Variants in GRID1 observed in about 807,000 individuals in gnomAD.
The protein encoded by GRID1 is glutamate ionotropic receptor delta type subunit 1.
In GRID1, 28 loss-of-function variants were observed where a neutral mutation model predicts 98.0. The ratio of observed to expected loss-of-function variants is 0.29; its 90% CI spans 0.21 to 0.39. The LOEUF (loss-of-function observed/expected upper bound fraction) is 0.39. GRID1 is among the 10% of genes least tolerant of loss of function. The probability of loss-of-function intolerance (pLI) is 1.00; values close to 1 mark genes in which losing one functional copy is unlikely to be tolerated. For synonymous variants in GRID1, 553 were observed against 538.5 expected (o/e 1.03, Z -0.37); for missense variants, 1,111 against 1,340.5 (o/e 0.83, Z 2.67).
intron 15 of GRID1, among the ~76,000 whole-genome samples, chr10:85,611,977 G>A (rs1842736830): frequency 6.6e-6 from 1 of 152,190 alleles, no homozygotes; most frequent in Non-Finnish European, 1.5e-5. Context: ...CACTGAGGCT[G>A]CAGCTGGCCC....
chr10:86,148,670 GT>G (rs1845119957), intron 3 of GRID1, among the ~76,000 whole-genome samples: 1 of 152,060 alleles, frequency 6.6e-6, no homozygotes, highest in Non-Finnish European at 1.5e-5. Context: ...ATTACCTTGA[GT>G]TAGCCATTCC....
At chr10:86,059,299 C>T (rs1843618371) in intron 4 of GRID1, among the ~76,000 whole-genome samples, 1 of 152,210 alleles carries the variant, frequency 6.6e-6, no homozygotes, top group African/African-American at 2.4e-5. Context: ...AAGTAACCTG[C>T]AGGTCACTCC....
chr10:86,105,607 CGGG>C (rs1844371926), intron 4 of GRID1, among the ~76,000 whole-genome samples: 2 of 152,134 alleles, frequency 1.3e-5, no homozygotes, highest in South Asian at 4.1e-4. Context: ...CAGCAGTGTC[CGGG>C]GCACACGGAG....
chr10:85,733,475 A>C (rs1188743238), intron 8 of GRID1, among the ~76,000 whole-genome samples: 1 of 152,220 alleles, frequency 6.6e-6, no homozygotes, highest in East Asian at 1.9e-4. Flanking sequence ...CAGTAGACCT[A>C]TGTTCTAATT....
At chr10:85,636,079 C>A (rs541845695) in intron 13 of GRID1, among the ~76,000 whole-genome samples, 1 of 152,344 alleles carries the variant, frequency 6.6e-6, no homozygotes, top group African/African-American at 2.4e-5. Context: ...CTTAACCTCA[C>A]ACCTGATCCA....
intron 4 of GRID1, among the ~76,000 whole-genome samples, chr10:86,094,477 C>A (rs2131940400): frequency 6.6e-6 from 1 of 152,292 alleles, no homozygotes; most frequent in Non-Finnish European, 1.5e-5. Flanking sequence ...GCTCCTAGAA[C>A]TGATAAAAGA....
intron 2 of GRID1, among the ~76,000 whole-genome samples, chr10:86,249,995 G>A (rs1846794817): frequency 6.6e-6 from 1 of 151,912 alleles, no homozygotes; most frequent in African/African-American, 2.4e-5. Flanking sequence ...ATGCATGGAT[G>A]GATGGGTGGG....
At chr10:85,971,819 ATCCTGCAATCCCATT>A (rs1842411978) in intron 4 of GRID1, among the ~76,000 whole-genome samples, 1 of 152,130 alleles carries the variant, frequency 6.6e-6, no homozygotes, top group South Asian at 2.1e-4. Context: ...CTACTTTATA[ATCCTGCAATCCCATT>A]TCTAGGTATA....
intron 3 of GRID1, among the ~76,000 whole-genome samples, chr10:86,162,939 G>T (rs141142395): frequency 6.6e-6 from 1 of 152,330 alleles, no homozygotes; most frequent in Non-Finnish European, 1.5e-5. Context: ...TCATGGGCAT[G>T]GGCCTGAAGG....
chr10:86,070,345 ATACCCC>A (rs1023976579), intron 4 of GRID1, among the ~76,000 whole-genome samples: 1 of 152,192 alleles, frequency 6.6e-6, no homozygotes, highest in Non-Finnish European at 1.5e-5. Flanking sequence ...TGTGTGGTCC[ATACCCC>A]TTGCCCAGCC....
At chr10:86,037,484 G>A (rs1273179157) in intron 4 of GRID1, among the ~76,000 whole-genome samples, 1 of 152,178 alleles carries the variant, frequency 6.6e-6, no homozygotes, top group East Asian at 1.9e-4. Flanking sequence ...TTAGACCAGG[G>A]TCTGTTCCAT....
chr10:86,044,372 G>A (rs574299244), intron 4 of GRID1, among the ~76,000 whole-genome samples: 4 of 152,208 alleles, frequency 2.6e-5, no homozygotes, highest in Non-Finnish European at 5.9e-5. Context: ...GCTAGTGAGT[G>A]ACTTTACCTC....
intron 4 of GRID1, among the ~76,000 whole-genome samples, chr10:85,981,490 A>G (rs1457166246): frequency 6.6e-6 from 1 of 152,184 alleles, no homozygotes; most frequent in Non-Finnish European, 1.5e-5. Context: ...AGCCACTAGG[A>G]ACCTTGGCAA....
At chr10:85,717,912 T>C (rs1009440455) in intron 12 of GRID1, among the ~76,000 whole-genome samples, 15 of 66,916 alleles carry the variant, frequency 2.2e-4, no homozygotes, top group East Asian at 1.5e-3. Context: ...CGAAATCCAG[T>C]GGGCAGTCAG....
chr10:85,634,002 T>C (rs1410685944), intron 13 of GRID1, among the ~76,000 whole-genome samples: 2 of 151,972 alleles, frequency 1.3e-5, no homozygotes, highest in Non-Finnish European at 2.9e-5. Flanking sequence ...AGAAACCCTG[T>C]CTCTACTAAA....
In GRID1 at chr10:85,771,826, T is replaced by C. The variant is rs12255255; in HGVS notation, c.1234-42212A>G. ...GGAGTACCCAGATTCATAAAGCAAG[T>C]CCTGAGTGACCTACAAAGAGACTTA... On this transcript the variant is annotated intron_variant, in intron 8 of 15. Coordinates refer to ENST00000327946, the MANE Select transcript of GRID1 (RefSeq NM_017551.3). Among the ~76,000 whole-genome samples the C allele has an allele frequency of 4.8e-3, 728 of 152,226 alleles. 4 individuals are homozygous for C. Among genetic ancestry groups the C allele is most frequent in the African/African-American group, 0.017 (690 of 41,526 alleles).
At chr10:85,773,743 A>G (rs917672861) in intron 8 of GRID1, among the ~76,000 whole-genome samples, 4 of 152,242 alleles carry the variant, frequency 2.6e-5, no homozygotes, top group African/African-American at 9.6e-5. Context: ...AAGAGAATAA[A>G]ATACCTAGGA....
chr10:85,654,539 C>T (rs1309630235), intron 12 of GRID1, among the ~76,000 whole-genome samples: 1 of 152,188 alleles, frequency 6.6e-6, no homozygotes, highest in Non-Finnish European at 1.5e-5. Flanking sequence ...TCTGTGCTCT[C>T]TTCTATCCTC....
intron 2 of GRID1, among the ~76,000 whole-genome samples, chr10:86,251,674 CAGA>C (rs1329272863): frequency 1.3e-5 from 2 of 152,148 alleles, no homozygotes; most frequent in African/African-American, 2.4e-5. Context: ...TGTCACACTT[CAGA>C]ATCTGCCAAT....
Sources: gnomAD v4.1 joint callset for allele counts (sites outside exome capture counted in the v4.1 genomes callset) on GRCh38, gnomAD v4.1.1 for gene constraint, MANE v1.5 for transcripts, NCBI Gene and HGNC (gene_info 2026-07-23, HGNC 2026-07-21) for gene names.